EPB41L4A: variants seen among roughly 807,000 people sequenced by gnomAD.
EPB41L4A encodes the protein band 4.1-like protein 4A.
In EPB41L4A, 100 loss-of-function variants were observed where a neutral mutation model predicts 108.6. That is an observed-to-expected ratio of 0.92 (90% confidence interval 0.78 to 1.09). The LOEUF (loss-of-function observed/expected upper bound fraction) is 1.09, where lower values mean the gene tolerates loss of function less well. Among genes scored for constraint, EPB41L4A ranks in the 50% least tolerant of loss-of-function variants. The probability of loss-of-function intolerance (pLI) is 0.00; values close to 1 mark genes in which losing one functional copy is unlikely to be tolerated. For missense variants in EPB41L4A, 1,030 were observed against 842.7 expected (o/e 1.22, Z -2.75); for synonymous variants, 319 against 289.0 (o/e 1.10, Z -1.05).
At position 112,346,216 on chromosome 5, in the gene EPB41L4A, A is replaced by AT. The variant is rs561328868; in HGVS notation, c.100-38727dup. 4.6e-3 allele frequency among the ~76,000 whole-genome samples: 307 copies of AT among 67,308 alleles called. 33 individuals are homozygous for AT. Among genetic ancestry groups the AT allele is most frequent in the Middle Eastern group, 0.019 (1 of 52 alleles). The allele number at this position is 67,308 out of a possible 152,430, so 44.2% of individuals were successfully genotyped here. A position where few individuals can be genotyped will look rare whatever the true frequency, so the allele number is the denominator to read the frequency against. ...AATTCTTTAAAGTTAGGTACATTGC[A>AT]TTTTTTTTTTTTTTTTTTTTTTTTT... is the stretch of plus-strand genomic sequence containing the variant. On this transcript the variant is annotated intron_variant, in intron 1 of 22. Coordinates refer to ENST00000261486, the MANE Select transcript of EPB41L4A (RefSeq NM_022140.5).
chr5:112,208,445 A>G (rs1322297316), intron 13 of EPB41L4A, among the ~76,000 whole-genome samples: 2 of 152,162 alleles, frequency 1.3e-5, no homozygotes, highest in Non-Finnish European at 2.9e-5. Context: ...ACGCAACTGG[A>G]GGCTATTATC....
At chr5:112,150,014 C>A (rs1759406562) in intron 12 of EPB41L4A, among the ~76,000 whole-genome samples, 2 of 151,998 alleles carry the variant, frequency 1.3e-5, no homozygotes, top group Admixed American at 1.3e-4. Flanking sequence ...GGGAGATCAC[C>A]CTACAGAAGA....
At chr5:112,199,835 ACTT>A (rs1450519319) in intron 15 of EPB41L4A, among the ~76,000 whole-genome samples, 17 of 152,192 alleles carry the variant, frequency 1.1e-4, no homozygotes, top group African/African-American at 4.1e-4. Context: ...GAAACCATCT[ACTT>A]CTTTATATTT....
At chr5:112,370,695 AC>A (rs1163465689) in intron 1 of EPB41L4A, among the ~76,000 whole-genome samples, 2 of 152,178 alleles carry the variant, frequency 1.3e-5, no homozygotes, top group African/African-American at 4.8e-5. Flanking sequence ...CGGGCAGATC[AC>A]CTGAGGTCAG....
At chr5:112,195,571 T>C in intron 16 of EPB41L4A, 90 bp downstream of exon 16, 1 of 1,084,146 alleles carries the variant, frequency 9.2e-7, no homozygotes, top group Non-Finnish European at 1.4e-6. Flanking sequence ...TAAAAAAAAA[T>C]AATGCCCCCG....
rs866876919 is a variant in EPB41L4A, at chr5:112,178,769, A to G, written c.1622+5247T>C. ...AAAACATGTGAGATATAGTTAAAGC[A>G]TGGCTGAAAGGGAAATTTATAAATT... On this transcript the variant is annotated intron_variant, in intron 18 of 22. Coordinates refer to ENST00000261486, the MANE Select transcript of EPB41L4A (RefSeq NM_022140.5). 4.3e-4 allele frequency among the ~76,000 whole-genome samples: 65 copies of G among 152,162 alleles called. 1 individual carries two copies. The highest frequency in any genetic ancestry group is 1.5e-3 in the African/African-American group (62 of 41,574).
intron 1 of EPB41L4A, among the ~76,000 whole-genome samples, chr5:112,371,550 T>C (rs1451903860): frequency 1.3e-5 from 2 of 152,136 alleles, no homozygotes; most frequent in Admixed American, 6.5e-5. Flanking sequence ...CAGGACATCA[T>C]TATTGTAACT....
chr5:112,345,796 C>T (rs977006543), intron 1 of EPB41L4A, among the ~76,000 whole-genome samples: 7 of 149,506 alleles, frequency 4.7e-5, no homozygotes, highest in Non-Finnish European at 8.9e-5. Flanking sequence ...CACACACACA[C>T]ACACACACAC....
intron 1 of EPB41L4A, among the ~76,000 whole-genome samples, chr5:112,334,243 T>A (rs1433452509): frequency 6.6e-6 from 1 of 152,162 alleles, no homozygotes; most frequent in East Asian, 1.9e-4. Context: ...TAGCAGACCC[T>A]AAAAGGAAAT....
chr5:112,208,044 C>T (rs1342322950), intron 13 of EPB41L4A, among the ~76,000 whole-genome samples: 1 of 152,060 alleles, frequency 6.6e-6, no homozygotes, highest in Non-Finnish European at 1.5e-5. Flanking sequence ...TCAAGAGATG[C>T]AGACCATCCT....
At chr5:112,211,033 G>A (rs972608350) in intron 12 of EPB41L4A, among the ~76,000 whole-genome samples, 1 of 151,600 alleles carries the variant, frequency 6.6e-6, no homozygotes, top group Non-Finnish European at 1.5e-5. Context: ...TATTACAAGC[G>A]CTTCACATCT....
At chr5:112,143,016 G>C (rs2112777327) in exon 14 of EPB41L4A, 1 of 152,268 alleles carries the variant, frequency 6.6e-6, no homozygotes, top group South Asian at 2.1e-4. Context: ...GCTAGGGTTA[G>C]CCTGCTGGAG....
chr5:112,268,842 C>CAAAA (rs34983995), intron 4 of EPB41L4A, among the ~76,000 whole-genome samples: 1,314 of 55,840 alleles, frequency 0.024, 98 homozygotes, highest in East Asian at 0.074. Context: ...GACCTTCTCT[C>CAAAA]AAAAAAAAAA....
intron 1 of EPB41L4A, among the ~76,000 whole-genome samples, chr5:112,344,179 T>C (rs1666169910): frequency 6.6e-6 from 1 of 152,202 alleles, no homozygotes; most frequent in Non-Finnish European, 1.5e-5. Flanking sequence ...CTAAGTTCAA[T>C]ATCATAATCA....
At chr5:112,268,638 C>T (rs534390387) in intron 4 of EPB41L4A, among the ~76,000 whole-genome samples, 13 of 151,824 alleles carry the variant, frequency 8.6e-5, no homozygotes, top group Non-Finnish European at 1.5e-4. Context: ...TTGCTTGAGG[C>T]CAAGAGTTTG....
At chr5:112,184,627 G>C (rs541945157) in intron 17 of EPB41L4A, among the ~76,000 whole-genome samples, 1 of 152,266 alleles carries the variant, frequency 6.6e-6, no homozygotes, top group South Asian at 2.1e-4. Context: ...AAATCTAGAA[G>C]TACAAAAAGT....
At chr5:112,354,921 C>T (rs999813229) in intron 1 of EPB41L4A, among the ~76,000 whole-genome samples, 1 of 151,942 alleles carries the variant, frequency 6.6e-6, no homozygotes, top group East Asian at 1.9e-4. Context: ...TGACAGTATG[C>T]TACATTTATG....
At chr5:112,391,344 G>T (rs1456233589) in intron 1 of EPB41L4A, among the ~76,000 whole-genome samples, 5 of 152,106 alleles carry the variant, frequency 3.3e-5, no homozygotes, top group Non-Finnish European at 7.3e-5. Context: ...AAGATGAGAT[G>T]AATGGCTAAC....
At chr5:112,272,303 G>A (rs1012798206) in intron 4 of EPB41L4A, among the ~76,000 whole-genome samples, 3 of 151,620 alleles carry the variant, frequency 2.0e-5, no homozygotes, top group South Asian at 2.1e-4. Context: ...GCCACGCGCA[G>A]CTGATTTTTG....
Sources: gnomAD v4.1 joint callset for allele counts (sites outside exome capture counted in the v4.1 genomes callset) on GRCh38, gnomAD v4.1.1 for gene constraint, MANE v1.5 for transcripts, NCBI Gene and HGNC (gene_info 2026-07-23, HGNC 2026-07-21) for gene names.